The following TNR variants were observed in gnomAD, a reference collection of about 807,000 sequenced individuals.
TNR encodes tenascin-R.
TNR carries 45 observed loss-of-function variants against 150.4 expected under a neutral mutation model. That is an observed-to-expected ratio of 0.30 (90% CI 0.24 to 0.38). The LOEUF is 0.38. TNR is among the 10% of genes least tolerant of loss of function. TNR has a pLI of 1.00. For missense variants in TNR, 1,544 were observed against 1,759.1 expected (o/e 0.88, Z 2.19); for synonymous variants, 687 against 678.4 (o/e 1.01, Z -0.20).
intron 1 of TNR, among the ~76,000 whole-genome samples, chr1:175,722,265 A>G (rs1395530356): frequency 6.6e-6 from 1 of 152,036 alleles, no homozygotes; most frequent in Non-Finnish European, 1.5e-5. Flanking sequence ...ATGTGTTTCC[A>G]TGATCCTGCC....
chr1:175,400,229 G>A (rs1033069289), intron 4 of TNR, among the ~76,000 whole-genome samples: 8 of 152,052 alleles, frequency 5.3e-5, no homozygotes, highest in African/African-American at 1.9e-4. Context: ...ACTTCTTTGT[G>A]TATATGGCTT....
Position 175,504,901 on chromosome 1 carries a change from C to T in TNR, c.-64+23368G>A, listed in dbSNP as rs140800469. On this transcript the variant is annotated intron_variant, in intron 2 of 22. Coordinates refer to ENST00000367674, the MANE Select transcript of TNR (RefSeq NM_003285.3). ...TCCTTAGAAGAAGAAGAAATTTGGACACAAGTACAGAGGGAAGATGATGGG... is the reference window on the plus strand; with the variant it reads ...TCCTTAGAAGAAGAAGAAATTTGGATACAAGTACAGAGGGAAGATGATGGG... Among the ~76,000 whole-genome samples the T allele has an allele frequency of 7.7e-3, 1,179 of 152,256 alleles. 13 individuals carry two copies. The highest frequency in any genetic ancestry group is 0.037 in the Middle Eastern group (11 of 294).
chr1:175,342,152 G>T (rs998306436), intron 18 of TNR, among the ~76,000 whole-genome samples: 1 of 152,222 alleles, frequency 6.6e-6, no homozygotes, highest in African/African-American at 2.4e-5. Flanking sequence ...CTCATGCTGT[G>T]GTGGGAGAAA....
At position 175,481,127 on chromosome 1, in the gene TNR, T is replaced by C. The variant is rs373711517; in HGVS notation, c.-64+47142A>G. 2.6e-5 allele frequency among the ~76,000 whole-genome samples: 4 copies of C among 151,966 alleles called. No homozygotes were observed. In the South Asian group the frequency reaches 8.3e-4, roughly 32 times the overall value. ...GTCTGGACCAGCGAGAGAGAAAATG[T>C]GGGGTTAGGGAAAGGTGATTGGGGC... On this transcript the variant is annotated intron_variant, in intron 2 of 22. Transcript: ENST00000367674.
intron 1 of TNR, among the ~76,000 whole-genome samples, chr1:175,648,066 C>A (rs1191076964): frequency 3.3e-5 from 5 of 152,144 alleles, no homozygotes; most frequent in Admixed American, 2.0e-4. Flanking sequence ...CCCACACCCT[C>A]CACCCATCAG....
chr1:175,321,942 C>T lies in TNR; in HGVS notation c.*1415G>A, dbSNP rs921121250. ...GGGGTATAGCTCTCTGGGCATATAC[C>T]TTCTTCTCCTGACTCTTATTAAGCC... On this transcript the variant is annotated 3_prime_UTR_variant, in exon 23 of 23. Transcript: ENST00000367674. The T allele has an allele frequency of 6.6e-6, 1 of 152,002 alleles. No individual in the cohort carries two copies. The highest frequency in any genetic ancestry group is 1.5e-5 in the Non-Finnish European group (1 of 68,004). 9.4% of individuals were successfully genotyped at this position (152,002 alleles called of 1,614,324 possible).
At chr1:175,441,852 G>GATTTT (rs2102082229) in intron 2 of TNR, among the ~76,000 whole-genome samples, 2 of 152,222 alleles carry the variant, frequency 1.3e-5, no homozygotes, top group Admixed American at 1.3e-4. Context: ...ATGAGGAAAG[G>GATTTT]CTTCTTAAAA....
At chr1:175,625,452 C>T (rs1558043122) in intron 1 of TNR, among the ~76,000 whole-genome samples, 1 of 152,166 alleles carries the variant, frequency 6.6e-6, no homozygotes, top group African/African-American at 2.4e-5. Context: ...GGGAAATGTG[C>T]TTTTTTGGCC....
chr1:175,730,270 C>T (rs1314583088), intron 1 of TNR, among the ~76,000 whole-genome samples: 2 of 152,226 alleles, frequency 1.3e-5, no homozygotes, highest in Non-Finnish European at 2.9e-5. Context: ...GCCCTACGCA[C>T]ACTTAACCTG....
intron 1 of TNR, among the ~76,000 whole-genome samples, chr1:175,532,326 A>C (rs1167532885): frequency 6.6e-6 from 1 of 152,212 alleles, no homozygotes; most frequent in African/African-American, 2.4e-5. Context: ...AGTTGTTCTT[A>C]GTCATCTTAA....
At chr1:175,368,986 A>G (rs1038363268) in intron 9 of TNR, among the ~76,000 whole-genome samples, 1 of 152,074 alleles carries the variant, frequency 6.6e-6, no homozygotes, top group African/African-American at 2.4e-5. Flanking sequence ...AACAAAAACA[A>G]AACAAAAAAA....
In TNR at chr1:175,592,250, G is replaced by C. The variant is rs116311132; in HGVS notation, c.-164-63881C>G. Among the ~76,000 whole-genome samples, 255 of 152,238 alleles carry C rather than the reference G, an allele frequency of 1.7e-3. 1 individual carries two copies. Among genetic ancestry groups the C allele is most frequent in the African/African-American group, 5.9e-3 (245 of 41,556 alleles). ...ATAAGTGCTCAACAATTGTTAACTCGGGTGGTTATTATCACGTTTATTACA... is the reference window on the plus strand; with the variant it reads ...ATAAGTGCTCAACAATTGTTAACTCCGGTGGTTATTATCACGTTTATTACA... On this transcript the variant is annotated intron_variant, in intron 1 of 22. Transcript: ENST00000367674.
intron 8 of TNR, among the ~76,000 whole-genome samples, chr1:175,384,163 C>A (rs859435): frequency 6.6e-6 from 1 of 152,164 alleles, no homozygotes; most frequent in Non-Finnish European, 1.5e-5. Flanking sequence ...CACAAAGAAA[C>A]CACTTTTCAA....
intron 1 of TNR, among the ~76,000 whole-genome samples, chr1:175,641,625 A>G (rs2101881397): frequency 6.6e-6 from 1 of 152,306 alleles, no homozygotes; most frequent in South Asian, 2.1e-4. Context: ...TTTTGTCTTT[A>G]GCTAGGATAA....
chr1:175,575,437 T>A (rs899527272), intron 1 of TNR, among the ~76,000 whole-genome samples: 2 of 152,190 alleles, frequency 1.3e-5, no homozygotes, highest in African/African-American at 4.8e-5. Context: ...CGTGGTTGGA[T>A]AGAAGCATTC....
intron 1 of TNR, among the ~76,000 whole-genome samples, chr1:175,737,781 C>T (rs1454964348): frequency 6.6e-6 from 1 of 152,156 alleles, no homozygotes; most frequent in Admixed American, 6.5e-5. Context: ...CTTGGCAGTG[C>T]CCTGCTCTAG....
At chr1:175,375,923 T>C (rs1034653573) in intron 9 of TNR, among the ~76,000 whole-genome samples, 3 of 152,240 alleles carry the variant, frequency 2.0e-5, no homozygotes, top group Admixed American at 6.5e-5. Context: ...ATGAGGTAGA[T>C]AGGATGTCTT....
intron 1 of TNR, among the ~76,000 whole-genome samples, chr1:175,623,170 C>G (rs1664035775): frequency 6.6e-6 from 1 of 152,170 alleles, no homozygotes; most frequent in African/African-American, 2.4e-5. Context: ...GATCAATTGA[C>G]CTAAATTGAC....
intron 2 of TNR, among the ~76,000 whole-genome samples, chr1:175,421,758 C>A (rs1654763717): frequency 6.6e-6 from 1 of 152,160 alleles, no homozygotes; most frequent in Non-Finnish European, 1.5e-5. Flanking sequence ...TTTGCCCAAA[C>A]CAGCTGCATT....
Sources: allele counts gnomAD v4.1 joint callset (sites outside exome capture counted in the v4.1 genomes callset), GRCh38; gene constraint gnomAD v4.1.1; transcripts MANE v1.5; gene names NCBI Gene and HGNC (gene_info 2026-07-23, HGNC 2026-07-21).